PDSS1: variants seen among roughly 807,000 people sequenced by gnomAD.
PDSS1 encodes decaprenyl diphosphate synthase subunit 1.
PDSS1 carries 43 observed loss-of-function variants against 57.5 expected under a neutral mutation model. The ratio of observed to expected loss-of-function variants is 0.75; its 90% CI spans 0.59 to 0.96. The LOEUF is 0.96. Among genes scored for constraint, PDSS1 ranks in the 50% least tolerant of loss-of-function variants. The pLI, the probability that PDSS1 is intolerant of heterozygous loss-of-function variation, is 0.00. For synonymous variants in PDSS1, 175 were observed against 191.3 expected (o/e 0.91, Z 0.70); for missense variants, 438 against 527.8 (o/e 0.83, Z 1.67).
Position 26,731,691 on chromosome 10 carries a change from GT to G in PDSS1, c.832-3544del, listed in dbSNP as rs151063980. Among the ~76,000 whole-genome samples, 720 of 152,334 alleles carry G rather than the reference GT, an allele frequency of 4.7e-3. 7 individuals carry two copies. The highest frequency in any genetic ancestry group is 0.016 in the African/African-American group (678 of 41,572). On this transcript the variant is annotated intron_variant, in intron 8 of 11. Transcript: ENST00000376215. ...ACTAAATGTGCCATTACACGCTTGA[GT>G]TTTTGCCAGTCCAGTAGAGGAGAAT...
rs531705131 is a variant in PDSS1, at chr10:26,710,037, C to A, written c.467+269C>A. Among the ~76,000 whole-genome samples, 552 of 151,658 alleles carry A rather than the reference C, an allele frequency of 3.6e-3. 3 individuals are homozygous for A. The highest frequency in any genetic ancestry group is 6.3e-3 in the Non-Finnish European group (431 of 67,906). On this transcript the variant is annotated intron_variant, in intron 5 of 11. Coordinates refer to ENST00000376215, the MANE Select transcript of PDSS1 (RefSeq NM_014317.5). ...GGCGTGGTGGCAGGTGCCTGTAATC[C>A]CAGCTACTTGGGAGGCTGAGGCAGG...
At chr10:26,713,858 A>T (rs1835472325) in intron 5 of PDSS1, among the ~76,000 whole-genome samples, 1 of 151,968 alleles carries the variant, frequency 6.6e-6, no homozygotes, top group African/African-American at 2.4e-5. Context: ...CTCTTCAAGG[A>T]TTGCCTTGGT....
In PDSS1 at chr10:26,704,741, G is replaced by A. The variant is rs753051018; in HGVS notation, c.227G>A (p.Arg76Gln). The change falls in exon 3 of 12, where the codon CGG (arginine) becomes CAG (glutamine). Residue 76 changes from arginine to glutamine, a missense_variant and splice_region_variant. Arg to Gln is a conservative substitution (Grantham distance 43). This residue lies in a region of PDSS1 where 154 missense variants were observed against 137.0 expected (regional missense o/e 1.12). Coordinates refer to ENST00000376215, the MANE Select transcript of PDSS1 (RefSeq NM_014317.5). Reference protein sequence around the residue: ...SACPNVCRISRFHHTTPDSKT... With the variant: ...SACPNVCRISQFHHTTPDSKT... ...TGTCCAAATGTATGTCGTATATCAC[G>A]GTAAGTTTACAGTCCATACTGCAAC... is the stretch of plus-strand genomic sequence containing the variant. 11 of 1,403,772 alleles carry A rather than the reference G, an allele frequency of 7.8e-6. No individual in the cohort carries two copies. Among genetic ancestry groups the A allele is most frequent in the Non-Finnish European group, 1.1e-5 (11 of 989,096 alleles). The allele number at this position is 1,403,772 out of a possible 1,614,324, so 87.0% of individuals were successfully genotyped here. A position where few individuals can be genotyped will look rare whatever the true frequency, so the allele number is the denominator to read the frequency against.
intron 2 of PDSS1, among the ~76,000 whole-genome samples, chr10:26,704,266 T>A (rs1385571074): frequency 6.6e-6 from 1 of 152,014 alleles, no homozygotes; most frequent in Non-Finnish European, 1.5e-5. Flanking sequence ...CCAAAGGATG[T>A]TGAGGAACAC....
intron 10 of PDSS1, among the ~76,000 whole-genome samples, chr10:26,737,149 G>C (rs920862155): frequency 2.6e-5 from 4 of 152,168 alleles, no homozygotes; most frequent in African/African-American, 9.7e-5. Flanking sequence ...CCCTGGAGAA[G>C]TCTATGAGAA....
Position 26,746,510 on chromosome 10 carries a change from G to A in PDSS1, c.*37G>A. 1 of 1,610,472 alleles carries A rather than the reference G, an allele frequency of 6.2e-7. No individual in the cohort carries two copies. Among genetic ancestry groups the A allele is most frequent in the East Asian group, 2.2e-5 (1 of 44,840 alleles). ...GTTCTTTCTGGCAGCTATCTTACCA[G>A]ACTGTGCCTAAAGAATTTTGTGGAA... On this transcript the variant is annotated 3_prime_UTR_variant, in exon 12 of 12. Coordinates refer to ENST00000376215, the MANE Select transcript of PDSS1 (RefSeq NM_014317.5).
chr10:26,719,774 A>G (rs1780195), intron 5 of PDSS1, among the ~76,000 whole-genome samples: 66,611 of 152,058 alleles, frequency 0.44, 15,241 homozygotes, highest in Admixed American at 0.54. Flanking sequence ...TCAAAAACAA[A>G]AAAGACAGTA....
intron 6 of PDSS1, among the ~76,000 whole-genome samples, chr10:26,722,268 T>C (rs1006112217): frequency 5.3e-5 from 8 of 152,238 alleles, no homozygotes; most frequent in African/African-American, 1.9e-4. Flanking sequence ...TTACATAATA[T>C]GTATATTATA....
intron 10 of PDSS1, among the ~76,000 whole-genome samples, chr10:26,740,402 A>C (rs1836551056): frequency 1.3e-5 from 2 of 152,242 alleles, no homozygotes; most frequent in Admixed American, 1.3e-4. Flanking sequence ...TAAAAGACCC[A>C]GTAACTAAAG....
At position 26,705,307 on chromosome 10, in the gene PDSS1, C is replaced by G. The variant is rs1355072804; in HGVS notation, c.249C>G (p.Asp83Glu). ...RISRFHHTTP[D>E]SKTHSGEKYT... Reference sequence around the variant, plus strand: ...CCAGGTTTCATCACACAACCCCAGACAGTAAAACACACAGTGGTGAAAAAT... The same window carrying G: ...CCAGGTTTCATCACACAACCCCAGAGAGTAAAACACACAGTGGTGAAAAAT... Residue 83 changes from aspartate (D) to glutamate (E), a missense_variant, in exon 4 of 12, where the codon GAC becomes GAG. By Grantham distance (45) the Asp-to-Glu change is conservative. Around this residue, in one of 2 missense-constraint regions of PDSS1, gnomAD observed 154 missense variants for 137.0 expected, o/e 1.12. Transcript: ENST00000376215. 2 of 1,611,110 alleles carry G rather than the reference C, an allele frequency of 1.2e-6. No individual in the cohort carries two copies. The highest frequency in any genetic ancestry group is 1.3e-5 in the African/African-American group (1 of 74,818).
In PDSS1 at chr10:26,720,022, A is replaced by G. The variant is rs1013364463; in HGVS notation, c.468-196A>G. 2.0e-5 allele frequency: 14 copies of G among 687,684 alleles called. No homozygotes were observed. The Admixed American group carries it at 3.5e-4, about 17-fold the overall frequency. 42.6% of individuals were successfully genotyped at this position (687,684 alleles called of 1,614,324 possible). A position where few individuals can be genotyped will look rare whatever the true frequency, so the allele number is the denominator to read the frequency against. On this transcript the variant is annotated intron_variant, in intron 5 of 11. Transcript: ENST00000376215. The stretch of plus-strand genomic sequence containing the variant: ...TACTTCTTCAATGGGGAATTCATAA[A>G]ATGTAGTTGTGGCAGGGTTTCTCAT...
chr10:26,703,371 C>A (rs183185651), intron 2 of PDSS1, among the ~76,000 whole-genome samples: 2 of 152,268 alleles, frequency 1.3e-5, no homozygotes, highest in East Asian at 3.9e-4. Context: ...TTTGGTCAAG[C>A]GCAGTGACTC....
intron 8 of PDSS1, among the ~76,000 whole-genome samples, chr10:26,730,990 C>T (rs1416257262): frequency 2.0e-5 from 3 of 152,052 alleles, no homozygotes; most frequent in Non-Finnish European, 1.5e-5. Flanking sequence ...GGCCGAATCA[C>T]GAGGTCAGGA....
In PDSS1 at chr10:26,697,824, C is replaced by T. The variant is rs1241624890; in HGVS notation, c.113C>T (p.Ala38Val). 7.5e-7 allele frequency: 1 copy of T among 1,339,152 alleles called. No individual in the cohort carries two copies. The highest frequency in any genetic ancestry group is 3.2e-5 in the East Asian group (1 of 31,310). 83.0% of individuals were successfully genotyped at this position (1,339,152 alleles called of 1,614,324 possible). Residue 38 changes from alanine (A) to valine (V), a missense_variant, in exon 1 of 12, where the codon GCC becomes GTC. Ala to Val is a moderately conservative substitution (Grantham distance 64). This residue lies in a region of PDSS1 where 154 missense variants were observed against 137.0 expected (regional missense o/e 1.12). Transcript: ENST00000376215. The part of the protein sequence containing the change: ...RAGPLGPSAA[A>V]EVRAQVHRRK... Reference sequence around the variant, plus strand: ...GGACCGTTGGGGCCGAGCGCCGCTGCCGAAGTCCGCGCGCAGGTGAGGTTG... The same window carrying T: ...GGACCGTTGGGGCCGAGCGCCGCTGTCGAAGTCCGCGCGCAGGTGAGGTTG...
At chr10:26,744,548 G>A (rs1041386192) in intron 11 of PDSS1, among the ~76,000 whole-genome samples, 20 of 151,814 alleles carry the variant, frequency 1.3e-4, no homozygotes, top group African/African-American at 4.6e-4. Flanking sequence ...CCGCCACCAC[G>A]CCCGGCTGAT....
At chr10:26,740,741 G>A (rs1836568134) in intron 10 of PDSS1, 1 of 454,746 alleles carries the variant, frequency 2.2e-6, no homozygotes, top group Admixed American at 2.4e-5. Context: ...GACTGTTAGA[G>A]CTCAAGGGCT....
chr10:26,737,722 C>CACA (rs1403399635), intron 10 of PDSS1, among the ~76,000 whole-genome samples: 1 of 73,558 alleles, frequency 1.4e-5, no homozygotes, highest in Non-Finnish European at 2.7e-5. Context: ...GACTCCGTCT[C>CACA]AAAAAAAAAA....
intron 10 of PDSS1, chr10:26,740,744 C>T (rs1353444865): frequency 4.4e-6 from 2 of 454,232 alleles, no homozygotes; most frequent in South Asian, 1.6e-5. Context: ...TGTTAGAGCT[C>T]AAGGGCTTCC....
At chr10:26,698,635 T>C (rs1324999302) in intron 1 of PDSS1, among the ~76,000 whole-genome samples, 1 of 152,224 alleles carries the variant, frequency 6.6e-6, no homozygotes, top group Non-Finnish European at 1.5e-5. Context: ...GGTAGGCCCA[T>C]GCTATTAGCA....
Sources: allele counts gnomAD v4.1 joint callset (sites outside exome capture counted in the v4.1 genomes callset), GRCh38; gene constraint gnomAD v4.1.1; regional missense constraint gnomAD v4.1.1; transcripts MANE v1.5; gene names NCBI Gene and HGNC (gene_info 2026-07-23, HGNC 2026-07-21).